Variants in COL17A1 observed in about 807,000 individuals in gnomAD.
The protein encoded by COL17A1 is collagen alpha-1(XVII) chain.
In COL17A1, 181 loss-of-function variants were observed where a neutral mutation model predicts 218.4. That is an observed-to-expected ratio of 0.83 (90% confidence interval 0.73 to 0.94). The LOEUF is 0.94. COL17A1 is among the 40% of genes least tolerant of loss of function. The pLI is 0.00. For synonymous variants in COL17A1, 721 were observed against 731.0 expected (o/e 0.99, Z 0.22); for missense variants, 1,924 against 1,945.9 (o/e 0.99, Z 0.21).
At chr10:104,047,205 T>C (rs975749279) in intron 31 of COL17A1, among the ~76,000 whole-genome samples, 1 of 152,006 alleles carries the variant, frequency 6.6e-6, no homozygotes, top group Non-Finnish European at 1.5e-5. Flanking sequence ...ACAGCTTTCT[T>C]GGCTGGTTTT....
intron 35 of COL17A1, among the ~76,000 whole-genome samples, chr10:104,043,234 C>T (rs1425468500): frequency 3.3e-5 from 5 of 152,160 alleles, no homozygotes; most frequent in Non-Finnish European, 7.3e-5. Flanking sequence ...GCCGTGGGAC[C>T]TTGGGCAAGT....
At chr10:104,076,961 A>G (rs959243634) in intron 4 of COL17A1, among the ~76,000 whole-genome samples, 1 of 152,226 alleles carries the variant, frequency 6.6e-6, no homozygotes, top group Admixed American at 6.5e-5. Context: ...CTTGCACAGC[A>G]TGGGATCACA....
rs1417611507 is a variant in COL17A1 at position 104,043,567 on chromosome 10, G to A, written c.2449C>T (p.Leu817Phe). Reference sequence around the variant, plus strand: ...GGTCCTGGGGGGCCTGGGACAGTGAGCATCGATGACCCCTCTGAAAACAGA... The same window carrying A: ...GGTCCTGGGGGGCCTGGGACAGTGAACATCGATGACCCCTCTGAAAACAGA... ...KIVTSEGSSM[L>F]TVPGPPGPPG... The change falls in exon 35 of 56, where the codon CTC (leucine) becomes TTC (phenylalanine). Residue 817 changes from leucine to phenylalanine, a missense_variant. By Grantham distance (22) the Leu-to-Phe change is conservative. Transcript: ENST00000648076. 2.5e-6 allele frequency: 4 copies of A among 1,613,880 alleles called. No individual in the cohort carries two copies. Among genetic ancestry groups the A allele is most frequent in the African/African-American group, 1.3e-5 (1 of 74,886 alleles).
rs1240927707 is a variant in COL17A1, at chr10:104,049,475, C to A, written c.2165-4G>T. The A allele has an allele frequency of 3.7e-6, 6 of 1,614,176 alleles. No individual in the cohort carries two copies. Among genetic ancestry groups the A allele is most frequent in the Non-Finnish European group, 5.1e-6 (6 of 1,179,998 alleles). The stretch of plus-strand genomic sequence containing the variant: ...AAACCTCTCATGCCAGGCTCGCCTG[C>A]AAAGGACAAAGAACTAGCTGGTTGG... On this transcript the variant is annotated splice_region_variant and splice_polypyrimidine_tract_variant and intron_variant, in intron 28 of 55. Transcript: ENST00000648076.
intron 29 of COL17A1, among the ~76,000 whole-genome samples, 184 bp downstream of exon 29, chr10:104,049,225 T>G (rs111874835): frequency 1.2e-3 from 180 of 152,104 alleles, no homozygotes; most frequent in African/African-American, 3.0e-3. Flanking sequence ...CCCACAGAGG[T>G]ACCTGCAGCT....
At chr10:104,044,814 C>CT (rs1472984176) in intron 33 of COL17A1, among the ~76,000 whole-genome samples, 3 of 152,144 alleles carry the variant, frequency 2.0e-5, no homozygotes, top group Non-Finnish European at 4.4e-5. Context: ...ATTCCAAAAC[C>CT]TATGAGACTC....
chr10:104,068,238 C>G (rs1226743661), intron 9 of COL17A1, among the ~76,000 whole-genome samples: 4 of 152,138 alleles, frequency 2.6e-5, no homozygotes, highest in Non-Finnish European at 4.4e-5. Context: ...TTTCTTGAAT[C>G]CAGCCAGCTT....
rs1747676 is a variant in COL17A1 at position 104,055,446 on chromosome 10, A to T, written c.1688-45T>A. Reference sequence around the variant, plus strand: ...CTGAGTCAGCTTCACATCTCCTGTCACACACACACACACACACACACACAC... The same window carrying T: ...CTGAGTCAGCTTCACATCTCCTGTCTCACACACACACACACACACACACAC... On this transcript the variant is annotated intron_variant, in intron 18 of 55. Coordinates refer to ENST00000648076, the MANE Select transcript of COL17A1 (RefSeq NM_000494.4). The T allele has an allele frequency of 0.11, 121,861 of 1,080,266 alleles. 34,940 individuals carry two copies. The highest frequency in any genetic ancestry group is 0.13 in the Non-Finnish European group (105,477 of 810,292). 66.9% of individuals were successfully genotyped at this position (1,080,266 alleles called of 1,614,324 possible).
chr10:104,058,155 T>C lies in COL17A1; in HGVS notation c.1258A>G (p.Thr420Ala). ...LKTVSTKGKT[T>A]TADIHSYGSS... ...CGCGGTTCTCACCCACCTGCAGTGG[T>C]GGTCTTGCCCTTTGTGGACACAGTC... Residue 420 changes from threonine (T) to alanine (A), a missense_variant, in exon 16 of 56, where the codon ACC becomes GCC. Coordinates refer to ENST00000648076, the MANE Select transcript of COL17A1 (RefSeq NM_000494.4). 2.5e-6 allele frequency: 4 copies of C among 1,614,220 alleles called. No homozygotes were observed. Among genetic ancestry groups the C allele is most frequent in the Non-Finnish European group, 3.4e-6 (4 of 1,180,032 alleles).
At chr10:104,083,848 G>C (rs901150198) in intron 1 of COL17A1, among the ~76,000 whole-genome samples, 2 of 152,174 alleles carry the variant, frequency 1.3e-5, no homozygotes, top group East Asian at 3.8e-4. Flanking sequence ...AGGAACAAAT[G>C]TTCCTATACT....
rs1451148322 is a variant in COL17A1 at position 104,033,907 on chromosome 10, C to CT, written c.4156+37dup. The stretch of plus-strand genomic sequence containing the variant: ...CCAGTCTGGAGATGCTCCCACGCTC[C>CT]TTCCCCCCAGCACCAAGGCCTAAAT... On this transcript the variant is annotated intron_variant, in intron 52 of 55. Transcript: ENST00000648076. 6 of 1,613,844 alleles carry CT rather than the reference C, an allele frequency of 3.7e-6. No homozygotes were observed. The East Asian group carries it at 1.1e-4, about 30-fold the overall frequency.
intron 43 of COL17A1, 44 bp from the exon 44 acceptor site, chr10:104,039,165 C>A: frequency 6.3e-7 from 1 of 1,599,470 alleles, no homozygotes; most frequent in Non-Finnish European, 8.6e-7. Flanking sequence ...CTCCAGGAAG[C>A]CTTCCCTGGT....
At position 104,058,192 on chromosome 10, in the gene COL17A1, T is replaced by G; in HGVS notation, c.1223-2A>C. The G allele has an allele frequency of 6.2e-7, 1 of 1,614,200 alleles. No homozygotes were observed. The highest frequency in any genetic ancestry group is 2.2e-5 in the East Asian group (1 of 44,876). ...TTGTGGACACAGTCTTCAGGTCTCC[T>G]GAAAGGACAAACAGATTGACCTGAG... On this transcript the variant is annotated splice_acceptor_variant, in intron 15 of 55. Coordinates refer to ENST00000648076, the MANE Select transcript of COL17A1 (RefSeq NM_000494.4). LOFTEE classifies it high-confidence loss of function.
In COL17A1 at chr10:104,070,519, T is replaced by C. The variant is rs769507128; in HGVS notation, c.514A>G (p.Ser172Gly). The change falls in exon 9 of 56, where the codon AGT becomes GGT. Residue 172 changes from serine to glycine, a missense_variant. Coordinates refer to ENST00000648076, the MANE Select transcript of COL17A1 (RefSeq NM_000494.4). ...GAGGAATTCCGGGTGGGGCTCACAC[T>C]TGCCGATCGACTCCCCTTGAGCAAA... ...KRLLKGSRSA[S>G]VSPTRNSSNT... is the part of the protein sequence containing the mutation. 1.2e-6 allele frequency: 2 copies of C among 1,614,102 alleles called. No homozygotes were observed. The highest frequency in any genetic ancestry group is 2.2e-5 in the East Asian group (1 of 44,896).
In COL17A1 at chr10:104,037,679, G is replaced by C; in HGVS notation, c.3165C>G (p.Phe1055Leu). 1 of 1,614,202 alleles carries C rather than the reference G, an allele frequency of 6.2e-7. No individual in the cohort carries two copies. The highest frequency in any genetic ancestry group is 1.1e-5 in the South Asian group (1 of 91,086). The change falls in exon 46 of 56, where the codon TTC (phenylalanine) becomes TTG (leucine). Residue 1055 changes from phenylalanine (F) to leucine (L), a missense_variant. Phe to Leu is a conservative substitution (Grantham distance 22). Coordinates refer to ENST00000648076, the MANE Select transcript of COL17A1 (RefSeq NM_000494.4). Reference sequence around the variant, plus strand: ...CGTGGCTTGCCAGCTCTGAGTAGTCGAAAGTCTCGCCTGTGATGGTGGTGA... The same window carrying C: ...CGTGGCTTGCCAGCTCTGAGTAGTCCAAAGTCTCGCCTGTGATGGTGGTGA... ...GPVTTITGET[F>L]DYSELASHVV...
rs372966192 is a variant in COL17A1, at chr10:104,034,606, C to T, written c.3766+15G>A. 28 of 1,607,562 alleles carry T rather than the reference C, an allele frequency of 1.7e-5. No individual in the cohort carries two copies. The highest frequency in any genetic ancestry group is 1.6e-4 in the Middle Eastern group (1 of 6,072). ...TGCGGGGTGCCTGGTGGGGCATCAC[C>T]GTCGGGGCACCTACTTGTGAGGTAG... is the stretch of plus-strand genomic sequence containing the variant. On this transcript the variant is annotated intron_variant, in intron 51 of 55. Transcript: ENST00000648076.
rs1564676885 is a variant in COL17A1, at chr10:104,049,459, A to T, written c.2177T>A (p.Met726Lys). The change falls in exon 29 of 56, where the codon ATG becomes AAG. Residue 726 changes from methionine (M) to lysine (K), a missense_variant. Met to Lys is a moderately conservative substitution (Grantham distance 95, BLOSUM62 -1). Transcript: ENST00000648076. ...ACCAACAGCACCAGGCAAACCTCTC[A>T]TGCCAGGCTCGCCTGCAAAGGACAA... ...GPRGLTGEPGMRGLPGAVGEP... is the reference protein window; with the variant it reads ...GPRGLTGEPGKRGLPGAVGEP... 1 of 1,612,948 alleles carries T rather than the reference A, an allele frequency of 6.2e-7. No individual in the cohort carries two copies. The highest frequency in any genetic ancestry group is 8.5e-7 in the Non-Finnish European group (1 of 1,178,894).
At chr10:104,032,857 G>A (rs1564669013) in intron 54 of COL17A1, 49 bp downstream of exon 54, 1 of 1,612,508 alleles carries the variant, frequency 6.2e-7, no homozygotes, top group Admixed American at 1.7e-5. Flanking sequence ...TTCAGTACGA[G>A]GTGGGTGTTA....
intron 2 of COL17A1, 150 bp from the exon 3 acceptor site, chr10:104,078,736 AC>A: frequency 9.5e-7 from 1 of 1,051,324 alleles, no homozygotes; most frequent in Non-Finnish European, 1.4e-6. Context: ...GTGTGATCTG[AC>A]CCACTGTGCA....
Sources: allele counts gnomAD v4.1 joint callset (sites outside exome capture counted in the v4.1 genomes callset), GRCh38; gene constraint gnomAD v4.1.1; transcripts MANE v1.5; gene names NCBI Gene and HGNC (gene_info 2026-07-23, HGNC 2026-07-21).